CUX1: variants seen among roughly 807,000 people sequenced by gnomAD.
CUX1 encodes protein CASP.
CUX1 carries 31 observed loss-of-function variants against 158.8 expected under a neutral mutation model. The ratio of observed to expected loss-of-function variants is 0.20; its 90% CI spans 0.15 to 0.26. The LOEUF (loss-of-function observed/expected upper bound fraction) is 0.26. Among genes scored for constraint, CUX1 ranks in the 10% least tolerant of loss-of-function variants. CUX1 has a pLI of 1.00. For missense variants in CUX1, 1,589 were observed against 2,014.6 expected, an observed-to-expected ratio of 0.79 and a Z score of 4.04; for synonymous variants, 879 against 862.1, an observed-to-expected ratio of 1.02 and a Z score of -0.34.
intron 12 of CUX1, among the ~76,000 whole-genome samples, chr7:102,190,647 A>C (rs1586133543): frequency 6.6e-6 from 1 of 152,194 alleles, no homozygotes; most frequent in East Asian, 1.9e-4. Flanking sequence ...AAGGTTGCCT[A>C]GGGCATGGTG....
chr7:101,870,163 T>G (rs1020310794), intron 1 of CUX1, among the ~76,000 whole-genome samples: 6 of 149,704 alleles, frequency 4.0e-5, no homozygotes, highest in Non-Finnish European at 8.9e-5. Context: ...GTTTTTTTTT[T>G]TTTTTTTAAA....
chr7:101,834,354 A>G (rs1029077086), intron 1 of CUX1, among the ~76,000 whole-genome samples: 2 of 151,210 alleles, frequency 1.3e-5, no homozygotes, highest in African/African-American at 2.4e-5. Context: ...TTGTATTTTT[A>G]GTAGAGATGG....
intron 1 of CUX1, among the ~76,000 whole-genome samples, chr7:101,828,495 A>G (rs1360664027): frequency 1.3e-5 from 2 of 152,158 alleles, no homozygotes; most frequent in African/African-American, 2.4e-5. Context: ...ACTTCCCCAT[A>G]TGAACGAACG....
At chr7:101,990,111 C>T (rs982152667) in intron 2 of CUX1, among the ~76,000 whole-genome samples, 3 of 152,078 alleles carry the variant, frequency 2.0e-5, no homozygotes, top group African/African-American at 7.2e-5. Context: ...GTAATTCCAG[C>T]TACTTGAGAG....
Position 102,250,455 on chromosome 7 carries a change from C to T in CUX1, c.*1413C>T, listed in dbSNP as rs1801381052. 1.0e-6 allele frequency: 1 copy of T among 985,520 alleles called. No homozygotes were observed. The highest frequency in any genetic ancestry group is 1.2e-6 in the Non-Finnish European group (1 of 829,990). The allele number at this position is 985,520 out of a possible 1,614,324, so 61.0% of individuals were successfully genotyped here. A position where few individuals can be genotyped will look rare whatever the true frequency, so the allele number is the denominator to read the frequency against. ...CAGGCCTGGGCAGGGCTTACACGCGCACTCTCTCTCTTCTTTCCCTTTTTC... is the reference window on the plus strand; with the variant it reads ...CAGGCCTGGGCAGGGCTTACACGCGTACTCTCTCTCTTCTTTCCCTTTTTC... On this transcript the variant is annotated 3_prime_UTR_variant, in exon 24 of 24. Transcript: ENST00000292535.
chr7:101,994,927 A>C (rs868312121), intron 2 of CUX1, among the ~76,000 whole-genome samples: 3 of 125,762 alleles, frequency 2.4e-5, no homozygotes, highest in African/African-American at 2.9e-5. Context: ...TCATCTCTAC[A>C]AAAAAAAAAA....
intron 1 of CUX1, among the ~76,000 whole-genome samples, chr7:101,885,127 T>C (rs1800095293): frequency 6.6e-6 from 1 of 152,242 alleles, no homozygotes; most frequent in Non-Finnish European, 1.5e-5. Flanking sequence ...CATTTTGAGG[T>C]CTGTCTCCTT....
At chr7:102,174,319 A>G (rs559112025) in intron 10 of CUX1, among the ~76,000 whole-genome samples, 15 of 152,154 alleles carry the variant, frequency 9.9e-5, no homozygotes, top group South Asian at 2.1e-4. Flanking sequence ...GAGTTTCACC[A>G]TGTTGGTCAG....
chr7:102,005,960 G>A (rs893494871), intron 2 of CUX1, among the ~76,000 whole-genome samples: 2 of 152,220 alleles, frequency 1.3e-5, no homozygotes, highest in African/African-American at 2.4e-5. Context: ...GCGAGCGGCC[G>A]CGTGGATGAG....
chr7:101,934,777 A>T (rs1461290214), intron 2 of CUX1, among the ~76,000 whole-genome samples: 1 of 152,128 alleles, frequency 6.6e-6, no homozygotes, highest in African/African-American at 2.4e-5. Context: ...GGAGAAGGGA[A>T]AAAGGAGGTG....
chr7:102,028,060 T>C (rs1262904073), intron 2 of CUX1, 38 bp from the exon 3 acceptor site: 2 of 1,610,862 alleles, frequency 1.2e-6, no homozygotes, highest in Non-Finnish European at 1.7e-6. Context: ...TTTCTCCTTC[T>C]CAAATGGCTG....
At chr7:102,151,595 G>A (rs1204137076) in intron 8 of CUX1, among the ~76,000 whole-genome samples, 2 of 151,640 alleles carry the variant, frequency 1.3e-5, no homozygotes, top group Non-Finnish European at 2.9e-5. Flanking sequence ...CTGTGATTGG[G>A]TGTGCCTGTA....
chr7:101,941,611 A>T (rs1321684460), intron 2 of CUX1, among the ~76,000 whole-genome samples: 1 of 152,198 alleles, frequency 6.6e-6, no homozygotes, highest in Admixed American at 6.5e-5. Flanking sequence ...CTGCAGTTTG[A>T]TAGCCCCATT....
At chr7:102,094,106 C>T (rs566023306) in intron 4 of CUX1, among the ~76,000 whole-genome samples, 44 of 152,296 alleles carry the variant, frequency 2.9e-4, no homozygotes, top group Middle Eastern at 3.4e-3. Flanking sequence ...TTGTTTTGGT[C>T]TTTAGCCCAA....
intron 7 of CUX1, 69 bp from the exon 8 acceptor site, chr7:102,115,138 G>A: frequency 2.2e-6 from 3 of 1,338,662 alleles, no homozygotes; most frequent in Non-Finnish European, 3.1e-6. Flanking sequence ...TTTGAAATGG[G>A]AATAGATTAC....
intron 10 of CUX1, among the ~76,000 whole-genome samples, chr7:102,170,808 GCA>G (rs2131689182): frequency 6.6e-6 from 1 of 151,278 alleles, no homozygotes; most frequent in Non-Finnish European, 1.5e-5. Context: ...GGCTACGCAG[GCA>G]CAGTCACAGA....
intron 7 of CUX1, 86 bp downstream of exon 7, chr7:102,111,860 C>A: frequency 8.2e-7 from 1 of 1,216,462 alleles, no homozygotes; most frequent in South Asian, 1.3e-5. Flanking sequence ...CCGGTCCCCG[C>A]GGATACCTGT....
intron 10 of CUX1, among the ~76,000 whole-genome samples, chr7:102,171,961 C>T (rs1043192551): frequency 2.0e-5 from 3 of 152,142 alleles, no homozygotes; most frequent in South Asian, 2.1e-4. Context: ...AGTGGACACC[C>T]GAAGAACCAT....
chr7:101,898,585 CTT>C (rs67714464), intron 1 of CUX1, among the ~76,000 whole-genome samples: 1 of 115,454 alleles, frequency 8.7e-6, no homozygotes, highest in African/African-American at 3.3e-5. Context: ...ATTTCTGTGT[CTT>C]TTTTTTTTTT....
Sources: gnomAD v4.1 joint callset for allele counts (sites outside exome capture counted in the v4.1 genomes callset) on GRCh38, gnomAD v4.1.1 for gene constraint, MANE v1.5 for transcripts, NCBI Gene and HGNC (gene_info 2026-07-23, HGNC 2026-07-21) for gene names.